The following GABRG3 variants were observed in gnomAD, a reference collection of about 807,000 sequenced individuals.
The protein encoded by GABRG3 is gamma-aminobutyric acid type A receptor subunit gamma3.
In GABRG3, 25 loss-of-function variants were observed where a neutral mutation model predicts 48.8. That is an observed-to-expected ratio of 0.51 (90% CI 0.37 to 0.72). The LOEUF (loss-of-function observed/expected upper bound fraction) is 0.72. Among genes scored for constraint, GABRG3 ranks in the 30% least tolerant of loss-of-function variants. GABRG3 has a pLI of 0.00. For missense variants in GABRG3, 394 were observed against 577.9 expected (o/e 0.68, Z 3.26); for synonymous variants, 227 against 217.6 (o/e 1.04, Z -0.38).
intron 5 of GABRG3, among the ~76,000 whole-genome samples, chr15:27,441,358 A>G (rs1486034156): frequency 2.0e-5 from 3 of 152,130 alleles, no homozygotes; most frequent in Admixed American, 6.6e-5. Flanking sequence ...CGTGGCAGGT[A>G]TTTTATTGCT....
chr15:27,256,859 G>A (rs919925246), intron 3 of GABRG3, among the ~76,000 whole-genome samples: 1 of 152,266 alleles, frequency 6.6e-6, no homozygotes, highest in South Asian at 2.1e-4. Flanking sequence ...ATGTCATATT[G>A]TGAATACTGC....
At chr15:27,051,685 C>G (rs184864767) in intron 3 of GABRG3, among the ~76,000 whole-genome samples, 1 of 152,178 alleles carries the variant, frequency 6.6e-6, no homozygotes, top group Non-Finnish European at 1.5e-5. Flanking sequence ...TTTCCACGGA[C>G]CAGGGCTGGG....
chr15:27,429,581 A>G (rs965027753), intron 5 of GABRG3, among the ~76,000 whole-genome samples: 4 of 152,176 alleles, frequency 2.6e-5, no homozygotes, highest in African/African-American at 9.7e-5. Context: ...TTAACTTCCC[A>G]TTCTCTTTCC....
intron 3 of GABRG3, among the ~76,000 whole-genome samples, chr15:27,277,278 A>G (rs1213122967): frequency 6.6e-6 from 1 of 152,258 alleles, no homozygotes; most frequent in African/African-American, 2.4e-5. Flanking sequence ...GAGGATTTCT[A>G]TGAGCGGTCA....
chr15:27,037,514 C>T (rs761725973), intron 3 of GABRG3, among the ~76,000 whole-genome samples: 7 of 152,128 alleles, frequency 4.6e-5, no homozygotes, highest in African/African-American at 2.4e-5. Flanking sequence ...TTCTGTGCCT[C>T]TTTGTTGTGC....
chr15:27,264,733 A>G (rs1003174636), intron 3 of GABRG3, among the ~76,000 whole-genome samples: 5 of 152,078 alleles, frequency 3.3e-5, no homozygotes, highest in Non-Finnish European at 5.9e-5. Context: ...CTTCAAAATT[A>G]TAAGCCATTA....
chr15:27,062,423 T>C (rs1165785739), intron 3 of GABRG3, among the ~76,000 whole-genome samples: 3 of 53,232 alleles, frequency 5.6e-5, no homozygotes, highest in Admixed American at 2.6e-4. Flanking sequence ...ATGGTGAAAC[T>C]CCATCTCTAC....
intron 3 of GABRG3, among the ~76,000 whole-genome samples, chr15:27,207,260 A>G (rs1888885126): frequency 6.6e-6 from 1 of 152,144 alleles, no homozygotes; most frequent in East Asian, 1.9e-4. Context: ...TAATTTTGCA[A>G]ATGATGGGGT....
intron 5 of GABRG3, among the ~76,000 whole-genome samples, chr15:27,392,112 C>T (rs772334794): frequency 2.0e-5 from 3 of 152,122 alleles, no homozygotes; most frequent in Non-Finnish European, 4.4e-5. Context: ...TTCCACATAC[C>T]ACATCCCCAT....
chr15:27,183,250 C>G (rs978225104), intron 3 of GABRG3, among the ~76,000 whole-genome samples: 1 of 151,940 alleles, frequency 6.6e-6, no homozygotes, highest in African/African-American at 2.4e-5. Flanking sequence ...TATAAAAAAG[C>G]TATCTTACTC....
intron 5 of GABRG3, among the ~76,000 whole-genome samples, chr15:27,368,335 A>T (rs1316599687): frequency 6.6e-6 from 1 of 152,178 alleles, no homozygotes; most frequent in Admixed American, 6.5e-5. Context: ...ACATACATGC[A>T]CTCACGGAGT....
intron 3 of GABRG3, among the ~76,000 whole-genome samples, chr15:27,308,561 T>TTATATAAACATAATGTAAACATACATTTA (rs1566774601): frequency 1.3e-5 from 2 of 148,322 alleles, no homozygotes; most frequent in African/African-American, 2.4e-5. Flanking sequence ...ACATACATGT[T>TTATATAAACATAATGTAAACATACATTTA]TATATAAACA....
At chr15:27,034,138 A>G (rs1459490348) in intron 3 of GABRG3, among the ~76,000 whole-genome samples, 1 of 152,234 alleles carries the variant, frequency 6.6e-6, no homozygotes, top group African/African-American at 2.4e-5. Context: ...CTTACCCTGT[A>G]TGAAAACGTA....
intron 5 of GABRG3, among the ~76,000 whole-genome samples, chr15:27,446,631 C>G (rs1170243067): frequency 6.6e-6 from 1 of 151,848 alleles, no homozygotes; most frequent in African/African-American, 2.4e-5. Context: ...GTATTTTATT[C>G]TTTTTGAGGC....
At chr15:27,028,905 G>C (rs1365825543) in intron 3 of GABRG3, among the ~76,000 whole-genome samples, 1 of 151,932 alleles carries the variant, frequency 6.6e-6, no homozygotes, top group Non-Finnish European at 1.5e-5. Flanking sequence ...CTCACATTAG[G>C]GACTTGAAAT....
At chr15:27,012,832 G>C (rs190738407) in intron 2 of GABRG3, among the ~76,000 whole-genome samples, 2 of 152,264 alleles carry the variant, frequency 1.3e-5, no homozygotes, top group African/African-American at 4.8e-5. Flanking sequence ...TCTGTCCTCA[G>C]ACATTAGAAC....
intron 3 of GABRG3, among the ~76,000 whole-genome samples, chr15:27,153,082 C>T (rs914723828): frequency 4.6e-5 from 7 of 152,156 alleles, no homozygotes; most frequent in South Asian, 4.1e-4. Flanking sequence ...AGGATGGTCT[C>T]GATCTCCTGA....
chr15:27,355,958 T>TTGGGGAA (rs1440419657), intron 5 of GABRG3, among the ~76,000 whole-genome samples: 1 of 151,980 alleles, frequency 6.6e-6, no homozygotes, highest in African/African-American at 2.4e-5. Context: ...GGGGTTGGGA[T>TTGGGGAA]TGGGGAATGG....
intron 2 of GABRG3, among the ~76,000 whole-genome samples, chr15:27,026,408 A>G (rs1178185781): frequency 6.6e-6 from 1 of 152,226 alleles, no homozygotes; most frequent in Non-Finnish European, 1.5e-5. Context: ...CTCATGCAGT[A>G]GCTCACCTTG....
Sources: gnomAD v4.1 joint callset for allele counts (sites outside exome capture counted in the v4.1 genomes callset) on GRCh38, gnomAD v4.1.1 for gene constraint, MANE v1.5 for transcripts, NCBI Gene and HGNC (gene_info 2026-07-23, HGNC 2026-07-21) for gene names.